Variants in NRXN1 observed in about 807,000 individuals in gnomAD.
The protein encoded by NRXN1 is neurexin-1.
A neutral mutation model predicts 150.9 loss-of-function variants in NRXN1; 39 were observed. That is an observed-to-expected ratio of 0.26 (90% confidence interval 0.20 to 0.34). The LOEUF is 0.34. NRXN1 is among the 10% of genes least tolerant of loss of function. NRXN1 has a pLI of 1.00. For synonymous variants in NRXN1, 924 were observed against 757.0 expected, an observed-to-expected ratio of 1.22 and a Z score of -3.62; for missense variants, 1,815 against 1,949.9, an observed-to-expected ratio of 0.93 and a Z score of 1.30.
chr2:50,389,242 C>T (rs1387824521), intron 17 of NRXN1, among the ~76,000 whole-genome samples: 1 of 150,220 alleles, frequency 6.7e-6, no homozygotes, highest in Non-Finnish European at 1.5e-5. Context: ...TGGTGATAAA[C>T]AGACAGATTC....
intron 4 of NRXN1, chr2:50,922,423 T>G: frequency 1.7e-6 from 1 of 603,380 alleles, no homozygotes; most frequent in Non-Finnish European, 3.0e-6. Flanking sequence ...CTCATTTATT[T>G]GCAAATATTA....
chr2:50,273,464 T>C (rs2069980794), intron 17 of NRXN1, among the ~76,000 whole-genome samples: 1 of 152,172 alleles, frequency 6.6e-6, no homozygotes, highest in Non-Finnish European at 1.5e-5. Flanking sequence ...TGTGAGTAGA[T>C]GAAAGATCTG....
chr2:50,232,468 C>T (rs2065038181), intron 18 of NRXN1, among the ~76,000 whole-genome samples: 1 of 147,832 alleles, frequency 6.8e-6, no homozygotes, highest in Non-Finnish European at 1.5e-5. Flanking sequence ...CTCACTGCAA[C>T]CTCCACCTTC....
At chr2:50,160,221 A>G (rs1032721229) in intron 18 of NRXN1, among the ~76,000 whole-genome samples, 2 of 152,024 alleles carry the variant, frequency 1.3e-5, no homozygotes, top group Non-Finnish European at 2.9e-5. Context: ...TACAACTGCT[A>G]GTATTGATGA....
chr2:50,339,217 T>G (rs969694388), intron 17 of NRXN1, among the ~76,000 whole-genome samples: 1 of 152,144 alleles, frequency 6.6e-6, no homozygotes, highest in Non-Finnish European at 1.5e-5. Context: ...ATCTGTTAAT[T>G]TTTTTTCTTT....
chr2:50,636,723 G>T (rs998691351), intron 5 of NRXN1, among the ~76,000 whole-genome samples: 12 of 152,008 alleles, frequency 7.9e-5, no homozygotes, highest in Non-Finnish European at 1.3e-4. Context: ...ATATGGAAAG[G>T]CCTGGTATTC....
intron 8 of NRXN1, among the ~76,000 whole-genome samples, chr2:50,554,216 A>G (rs1667909290): frequency 6.6e-6 from 1 of 152,074 alleles, no homozygotes; most frequent in Admixed American, 6.6e-5. Context: ...CAGGAATGGC[A>G]TGGGTGTTTT....
At chr2:50,612,411 A>C (rs1678320418) in intron 8 of NRXN1, among the ~76,000 whole-genome samples, 2 of 152,116 alleles carry the variant, frequency 1.3e-5, no homozygotes, top group South Asian at 2.1e-4. Context: ...TCCCTTTCTG[A>C]TAGGTTTGAA....
chr2:50,741,171 A>G (rs972478027), intron 5 of NRXN1, among the ~76,000 whole-genome samples: 5 of 152,210 alleles, frequency 3.3e-5, no homozygotes, highest in African/African-American at 7.2e-5. Context: ...TCTCCAAAAT[A>G]GGGTTACCAT....
intron 5 of NRXN1, among the ~76,000 whole-genome samples, chr2:50,653,226 T>G (rs1573976028): frequency 6.6e-6 from 1 of 152,142 alleles, no homozygotes; most frequent in South Asian, 2.1e-4. Flanking sequence ...AGAAAATAAA[T>G]GATTTATGAA....
At chr2:50,337,576 A>G (rs931628581) in intron 17 of NRXN1, among the ~76,000 whole-genome samples, 6 of 152,174 alleles carry the variant, frequency 3.9e-5, no homozygotes, top group African/African-American at 1.4e-4. Flanking sequence ...AGAGTTTAAA[A>G]CAGCACCTGG....
intron 8 of NRXN1, among the ~76,000 whole-genome samples, chr2:50,579,117 C>A (rs1485228462): frequency 6.6e-6 from 1 of 152,158 alleles, no homozygotes; most frequent in African/African-American, 2.4e-5. Context: ...ATGTCATAAA[C>A]CCCATCCACA....
intron 2 of NRXN1, among the ~76,000 whole-genome samples, chr2:51,012,426 A>C (rs1668027113): frequency 6.6e-6 from 1 of 152,062 alleles, no homozygotes; most frequent in Admixed American, 6.6e-5. Flanking sequence ...TTGCATTTTC[A>C]AAAAGTAAAC....
chr2:50,958,243 C>T (rs1184515846), intron 2 of NRXN1, among the ~76,000 whole-genome samples: 1 of 152,098 alleles, frequency 6.6e-6, no homozygotes, highest in South Asian at 2.1e-4. Flanking sequence ...CAAAATAAAA[C>T]TCCTTGCTTT....
chr2:50,528,023 A>C (rs925386504), intron 12 of NRXN1, among the ~76,000 whole-genome samples: 5 of 152,236 alleles, frequency 3.3e-5, no homozygotes, highest in Admixed American at 3.3e-4. Flanking sequence ...TTCAAAGAAA[A>C]CTCAGTCCAT....
intron 17 of NRXN1, among the ~76,000 whole-genome samples, chr2:50,300,971 C>T (rs1477271716): frequency 2.0e-5 from 3 of 152,120 alleles, no homozygotes; most frequent in Non-Finnish European, 4.4e-5. Flanking sequence ...GTTGGGATTA[C>T]AAGCATGAGC....
chr2:49,974,492 C>T (rs892536129), intron 21 of NRXN1, among the ~76,000 whole-genome samples: 2 of 151,988 alleles, frequency 1.3e-5, no homozygotes, highest in African/African-American at 4.8e-5. Flanking sequence ...AGAGGGGAAA[C>T]TTTTTTTTCC....
At chr2:50,107,136 C>T (rs968268905) in intron 18 of NRXN1, among the ~76,000 whole-genome samples, 4 of 151,878 alleles carry the variant, frequency 2.6e-5, no homozygotes, top group African/African-American at 9.7e-5. Flanking sequence ...AGCCTTGCGG[C>T]ATTCCACATA....
At chr2:50,323,219 C>T (rs1057463215) in intron 17 of NRXN1, among the ~76,000 whole-genome samples, 1 of 152,106 alleles carries the variant, frequency 6.6e-6, no homozygotes, top group Non-Finnish European at 1.5e-5. Context: ...ACAGCAGAAT[C>T]TTCTGGAGTG....
Sources: gnomAD v4.1 joint callset for allele counts (sites outside exome capture counted in the v4.1 genomes callset) on GRCh38, gnomAD v4.1.1 for gene constraint, MANE v1.5 for transcripts, NCBI Gene and HGNC (gene_info 2026-07-23, HGNC 2026-07-21) for gene names.